ADAMTS7: variants seen among roughly 807,000 people sequenced by gnomAD.
ADAMTS7 encodes the protein ADAM metallopeptidase with thrombospondin type 1 motif 7, also known as A disintegrin and metalloproteinase with thrombospondin motifs 7.
ADAMTS7 carries 89 observed loss-of-function variants against 172.6 expected under a neutral mutation model. The ratio of observed to expected loss-of-function variants is 0.52; its 90% CI spans 0.43 to 0.61. The LOEUF (loss-of-function observed/expected upper bound fraction) is 0.61, where lower values mean the gene tolerates loss of function less well. Among genes scored for constraint, ADAMTS7 ranks in the 20% least tolerant of loss-of-function variants. The pLI is 0.00. For missense variants in ADAMTS7, 1,973 were observed against 2,355.6 expected (o/e 0.84, Z 3.36); for synonymous variants, 885 against 978.4 (o/e 0.90, Z 1.78).
At chr15:78,808,086 G>A (rs2055819373) in intron 1 of ADAMTS7, among the ~76,000 whole-genome samples, 1 of 151,962 alleles carries the variant, frequency 6.6e-6, no homozygotes, top group East Asian at 1.9e-4. Flanking sequence ...GAATTTCTGG[G>A]CTCAAACGAT....
At chr15:78,774,085 G>C in intron 13 of ADAMTS7, 82 bp downstream of exon 13, 1 of 1,553,618 alleles carries the variant, frequency 6.4e-7, no homozygotes, top group Non-Finnish European at 8.6e-7. Context: ...AGGATCAGGA[G>C]GGACCCAGGA....
chr15:78,783,274 GAA>G (rs2055456861), intron 8 of ADAMTS7, among the ~76,000 whole-genome samples: 2 of 152,090 alleles, frequency 1.3e-5, no homozygotes, highest in Admixed American at 1.3e-4. Flanking sequence ...TGCATTTTAA[GAA>G]AACTTTTTTT....
chr15:78,794,898 G>A (rs2055624170), intron 4 of ADAMTS7, among the ~76,000 whole-genome samples: 2 of 152,102 alleles, frequency 1.3e-5, no homozygotes, highest in South Asian at 2.1e-4. Context: ...TTGTATTTTG[G>A]TAGAAATAGG....
chr15:78,796,781 G>A lies in ADAMTS7; in HGVS notation c.628C>T (p.Pro210Ser). The A allele has an allele frequency of 6.2e-7, 1 of 1,608,318 alleles. No homozygotes were observed. Among genetic ancestry groups the A allele is most frequent in the South Asian group, 1.1e-5 (1 of 90,890 alleles). ...CGCTCCCGTCGAGACTCCAGCTCTG[G>A]GTACACTGGAGGCCCAGATGGGGTG... ...APSTCGVQVYPELESRRERWE... is the reference protein window; with the variant it reads ...APSTCGVQVYSELESRRERWE... Residue 210 changes from proline (P) to serine (S), a missense_variant, in exon 4 of 24, where the codon CCA becomes TCA. This residue lies in a region of ADAMTS7 where 526 missense variants were observed against 662.9 expected (regional missense o/e 0.79). Coordinates refer to ENST00000388820, the MANE Select transcript of ADAMTS7 (RefSeq NM_014272.5).
Position 78,811,426 on chromosome 15 carries a change from G to A in ADAMTS7, c.-206C>T. ...CCCCCTTGGCCGCTGCAGAGGCAAA[G>A]AAAAGACAAGAGAGCTAGAAGGAGA... On this transcript the variant is annotated 5_prime_UTR_variant, in exon 1 of 24. Coordinates refer to ENST00000388820, the MANE Select transcript of ADAMTS7 (RefSeq NM_014272.5). 1 of 403,608 alleles carries A rather than the reference G, an allele frequency of 2.5e-6. No individual in the cohort carries two copies. Among genetic ancestry groups the A allele is most frequent in the Non-Finnish European group, 4.2e-6 (1 of 239,750 alleles). 25.0% of individuals were successfully genotyped at this position (403,608 alleles called of 1,614,324 possible). A position where few individuals can be genotyped will look rare whatever the true frequency, so the allele number is the denominator to read the frequency against.
At chr15:78,784,368 A>G (rs1483325814) in intron 8 of ADAMTS7, among the ~76,000 whole-genome samples, 1 of 139,204 alleles carries the variant, frequency 7.2e-6, no homozygotes, top group Non-Finnish European at 1.6e-5. Context: ...CAAAGAAAGA[A>G]AGAAAGACAG....
chr15:78,790,068 C>A (rs187589226), intron 6 of ADAMTS7, among the ~76,000 whole-genome samples: 1 of 152,350 alleles, frequency 6.6e-6, no homozygotes, highest in Non-Finnish European at 1.5e-5. Flanking sequence ...CCGCACAGAA[C>A]AATTTTGGTT....
rs1470739060 is a variant in ADAMTS7 at position 78,771,856 on chromosome 15, T to C, written c.2132-27A>G. 3 of 1,600,372 alleles carry C rather than the reference T, an allele frequency of 1.9e-6. No homozygotes were observed. Among genetic ancestry groups the C allele is most frequent in the South Asian group, 2.2e-5 (2 of 90,398 alleles). Reference sequence around the variant, plus strand: ...TGTCAGCCAAGGGTTGTGCATAGGTTGTGCCCAGGGTGAGAGGGTTGCTTA... The same window carrying C: ...TGTCAGCCAAGGGTTGTGCATAGGTCGTGCCCAGGGTGAGAGGGTTGCTTA... On this transcript the variant is annotated intron_variant, in intron 14 of 23. Coordinates refer to ENST00000388820, the MANE Select transcript of ADAMTS7 (RefSeq NM_014272.5). The surrounding 1 kb of genome is among the most constrained non-coding windows in gnomAD (Gnocchi z 4.9).
chr15:78,796,369 G>A (rs1448222501), intron 4 of ADAMTS7, among the ~76,000 whole-genome samples: 2 of 152,050 alleles, frequency 1.3e-5, no homozygotes, highest in Non-Finnish European at 2.9e-5. Context: ...ACACCCTATG[G>A]TGTCCCCACA....
intron 19 of ADAMTS7, 72 bp from the exon 20 acceptor site, chr15:78,764,779 C>T (rs917610056): frequency 1.6e-5 from 23 of 1,406,832 alleles, no homozygotes; most frequent in Admixed American, 3.0e-5. Context: ...GGAAACTACC[C>T]ACCTAGGCTA....
At chr15:78,762,172 C>A (rs995979540) in intron 23 of ADAMTS7, 1 of 827,964 alleles carries the variant, frequency 1.2e-6, no homozygotes, top group African/African-American at 1.9e-5. Context: ...CAGACAGCTG[C>A]CTATGGGATG....
In ADAMTS7 at chr15:78,780,953, A is replaced by AG. The variant is rs2055419982; in HGVS notation, c.1323-3366dup. On this transcript the variant is annotated intron_variant, in intron 8 of 23. Transcript: ENST00000388820. The stretch of plus-strand genomic sequence containing the variant: ...ATCTCCCCATGGTGTGAGGGCCTGG[A>AG]GGACAGGCACCTGGAGGTCTGTCTC... Among the ~76,000 whole-genome samples the AG allele has an allele frequency of 1.3e-5, 2 of 152,070 alleles. 1 individual carries two copies. The highest frequency in any genetic ancestry group is 4.1e-4 in the South Asian group (2 of 4,828).
intron 4 of ADAMTS7, among the ~76,000 whole-genome samples, chr15:78,796,378 C>T (rs1220588298): frequency 1.3e-5 from 2 of 152,170 alleles, no homozygotes; most frequent in African/African-American, 4.8e-5. Flanking sequence ...GGTGTCCCCA[C>T]AGCAGCCCTC....
rs772757986 is a variant in ADAMTS7, at chr15:78,800,522, T to G, written c.126A>C (p.Ala42=). 4 of 1,602,982 alleles carry G rather than the reference T, an allele frequency of 2.5e-6. No homozygotes were observed. The highest frequency in any genetic ancestry group is 1.7e-5 in the Admixed American group (1 of 58,674). ...APGRATEGRA[A]LDIVHPVRVD... ...CTCGAACCGGGTGCACGATGTCCAGTGCCGCCCGGCCCTCGGTTGCACGTC... is the reference window on the plus strand; with the variant it reads ...CTCGAACCGGGTGCACGATGTCCAGGGCCGCCCGGCCCTCGGTTGCACGTC... Residue 42 remains alanine (A), a synonymous_variant, in exon 2 of 24, where the codon GCA becomes GCC. Transcript: ENST00000388820.
At position 78,766,414 on chromosome 15, in the gene ADAMTS7, G is replaced by C; in HGVS notation, c.3497C>G (p.Ala1166Gly). Residue 1166 changes from alanine (A) to glycine (G), a missense_variant, in exon 19 of 24, where the codon GCC becomes GGC. This residue lies in a region of ADAMTS7 where 771 missense variants were observed against 952.6 expected (regional missense o/e 0.81). Coordinates refer to ENST00000388820, the MANE Select transcript of ADAMTS7 (RefSeq NM_014272.5). ...CAGGCTGGGGAGCCCAAGATCTGGG[G>C]CCCCTATGGGGGTGTCTTCCTCAGG... ...FLPEEDTPIG[A>G]PDLGLPSLSW... 1.9e-6 allele frequency: 3 copies of C among 1,600,622 alleles called. No homozygotes were observed. The highest frequency in any genetic ancestry group is 2.6e-6 in the Non-Finnish European group (3 of 1,175,246).
At chr15:78,779,437 CTG>C (rs1273496421) in intron 8 of ADAMTS7, among the ~76,000 whole-genome samples, 2 of 152,174 alleles carry the variant, frequency 1.3e-5, no homozygotes, top group African/African-American at 4.8e-5. Flanking sequence ...CTGCACCAGG[CTG>C]TGTCTACTCA....
At chr15:78,786,251 G>A (rs1432367522) in intron 8 of ADAMTS7, among the ~76,000 whole-genome samples, 2 of 152,092 alleles carry the variant, frequency 1.3e-5, no homozygotes, top group African/African-American at 2.4e-5. Flanking sequence ...AGCAAGGTCT[G>A]ATGGGACAAA....
At position 78,771,573 on chromosome 15, in the gene ADAMTS7, G is replaced by A; in HGVS notation, c.2376+12C>T. ...CTCTGCTCCCCCCGCCTGGGCCACG[G>A]GAGGCAGGCACCTGGATCCAGACAG... is the stretch of plus-strand genomic sequence containing the variant. On this transcript the variant is annotated intron_variant, in intron 15 of 23. Coordinates refer to ENST00000388820, the MANE Select transcript of ADAMTS7 (RefSeq NM_014272.5). The surrounding 1 kb of genome is among the most constrained non-coding windows in gnomAD (Gnocchi z 4.9). The A allele has an allele frequency of 6.3e-7, 1 of 1,591,336 alleles. No individual in the cohort carries two copies. The highest frequency in any genetic ancestry group is 8.5e-7 in the Non-Finnish European group (1 of 1,174,422).
intron 1 of ADAMTS7, among the ~76,000 whole-genome samples, chr15:78,809,093 A>G (rs2055832581): frequency 1.3e-5 from 2 of 152,162 alleles, no homozygotes; most frequent in Non-Finnish European, 2.9e-5. Context: ...TGTGAGTTCT[A>G]GTATGCACAG....
Sources: allele counts gnomAD v4.1 joint callset (sites outside exome capture counted in the v4.1 genomes callset), GRCh38; gene constraint gnomAD v4.1.1; regional missense constraint gnomAD v4.1.1; non-coding constraint Gnocchi (gnomAD v3.1); transcripts MANE v1.5; gene names NCBI Gene and HGNC (gene_info 2026-07-23, HGNC 2026-07-21).